ADCY2: variants seen among roughly 807,000 people sequenced by gnomAD.
The protein encoded by ADCY2 is adenylate cyclase 2.
A neutral mutation model predicts 125.2 loss-of-function variants in ADCY2; 31 were observed. That is an observed-to-expected ratio of 0.25 (90% CI 0.19 to 0.33). ADCY2 has a LOEUF of 0.33. Among genes scored for constraint, ADCY2 ranks in the 10% least tolerant of loss-of-function variants. The pLI is 1.00. For missense variants in ADCY2, 904 were observed against 1,418.2 expected (o/e 0.64, Z 5.82); for synonymous variants, 512 against 548.4 (o/e 0.93, Z 0.93).
At chr5:7,501,133 A>ATTT (rs1561059945) in intron 2 of ADCY2, among the ~76,000 whole-genome samples, 4 of 96,958 alleles carry the variant, frequency 4.1e-5, no homozygotes, top group Non-Finnish European at 4.6e-5. Context: ...CTTTTTTTTA[A>ATTT]AAAAAAAAAA....
At chr5:7,797,140 G>A (rs1744445579) in intron 20 of ADCY2, 1 of 152,242 alleles carries the variant, frequency 6.6e-6, no homozygotes, top group Non-Finnish European at 1.5e-5. Context: ...AGGAGGGTCA[G>A]GCTAGCATGC....
intron 12 of ADCY2, 119 bp downstream of exon 12, chr5:7,717,356 T>G (rs1428287300): frequency 3.6e-6 from 2 of 559,608 alleles, no homozygotes; most frequent in Non-Finnish European, 6.3e-6. Context: ...ATTCATTCAT[T>G]TCACTTCAGT....
intron 22 of ADCY2, among the ~76,000 whole-genome samples, chr5:7,806,576 C>T (rs1253041977): frequency 6.6e-6 from 1 of 152,192 alleles, no homozygotes; most frequent in East Asian, 1.9e-4. Flanking sequence ...GCAGCCTTCT[C>T]ACTTCTCTTA....
At chr5:7,614,290 T>C (rs1366093292) in intron 3 of ADCY2, among the ~76,000 whole-genome samples, 1 of 152,160 alleles carries the variant, frequency 6.6e-6, no homozygotes, top group Non-Finnish European at 1.5e-5. Context: ...AGAACCTCCA[T>C]CTCTCTATCC....
At chr5:7,434,801 G>T (rs1164921970) in intron 2 of ADCY2, among the ~76,000 whole-genome samples, 2 of 152,192 alleles carry the variant, frequency 1.3e-5, no homozygotes, top group Non-Finnish European at 2.9e-5. Context: ...CTCCCACATT[G>T]TGGTTATAAA....
At chr5:7,613,159 AT>A (rs200029352) in intron 3 of ADCY2, among the ~76,000 whole-genome samples, 5,084 of 112,486 alleles carry the variant, frequency 0.045, 240 homozygotes, top group African/African-American at 0.12. Context: ...AAGTATAATA[AT>A]AAAAAAAAAA....
chr5:7,712,169 A>C (rs960894588), intron 10 of ADCY2, among the ~76,000 whole-genome samples: 10 of 152,220 alleles, frequency 6.6e-5, no homozygotes, highest in Admixed American at 5.9e-4. Flanking sequence ...TGAAAGCAGC[A>C]AACCAAAGTT....
chr5:7,695,425 T>C (rs1192973295), intron 5 of ADCY2, among the ~76,000 whole-genome samples: 3 of 152,202 alleles, frequency 2.0e-5, no homozygotes, highest in Non-Finnish European at 4.4e-5. Context: ...TCCTGGCAGA[T>C]AGGAAGGACT....
At chr5:7,540,151 G>C (rs1048801404) in intron 3 of ADCY2, among the ~76,000 whole-genome samples, 2 of 152,128 alleles carry the variant, frequency 1.3e-5, no homozygotes, top group Non-Finnish European at 1.5e-5. Context: ...GACACATAGA[G>C]GGAAACAACA....
rs181371987 is a variant in ADCY2, at chr5:7,461,186, A to G, written c.408+46416A>G. On this transcript the variant is annotated intron_variant, in intron 2 of 24. Transcript: ENST00000338316. ...AAAGAGACTTCCAGGAAGAAACCTT[A>G]CAACCTTAGAGACCTGTCTGTCTCT... Among the ~76,000 whole-genome samples the G allele has an allele frequency of 6.1e-4, 93 of 152,274 alleles. 2 individuals are homozygous for G. The highest frequency in any genetic ancestry group is 1.0e-3 in the Non-Finnish European group (69 of 68,012).
At chr5:7,692,423 C>T (rs1409732806) in intron 5 of ADCY2, among the ~76,000 whole-genome samples, 7 of 151,998 alleles carry the variant, frequency 4.6e-5, no homozygotes, top group Admixed American at 1.3e-4. Flanking sequence ...TAAGGAAGCA[C>T]GACTGGATGG....
At chr5:7,699,100 TTTTTTTTTTTTTTTTG>T in intron 7 of ADCY2, among the ~76,000 whole-genome samples, 1 of 118,036 alleles carries the variant, frequency 8.5e-6, no homozygotes, top group Non-Finnish European at 1.8e-5. Flanking sequence ...TTTTTTTTTT[TTTTTTTTTTTTTTTTG>T]AGACGGAGTC....
chr5:7,597,013 G>A (rs986913877), intron 3 of ADCY2, among the ~76,000 whole-genome samples: 1 of 152,336 alleles, frequency 6.6e-6, no homozygotes, highest in African/African-American at 2.4e-5. Flanking sequence ...AGCTCCATGA[G>A]CCACTTTTTG....
chr5:7,784,314 G>A (rs746872893), intron 18 of ADCY2, 51 bp from the exon 19 acceptor site: 5 of 1,285,208 alleles, frequency 3.9e-6, no homozygotes, highest in Non-Finnish European at 5.7e-6. Context: ...AGTCCTGTAT[G>A]CGTGTTGTTT....
chr5:7,462,468 A>C (rs1741949869), intron 2 of ADCY2, among the ~76,000 whole-genome samples: 1 of 152,190 alleles, frequency 6.6e-6, no homozygotes, highest in Non-Finnish European at 1.5e-5. Context: ...CTTAATAAGC[A>C]ATGTAGTTGA....
chr5:7,590,946 A>G (rs1736833619), intron 3 of ADCY2, among the ~76,000 whole-genome samples: 1 of 152,178 alleles, frequency 6.6e-6, no homozygotes, highest in Non-Finnish European at 1.5e-5. Flanking sequence ...TCAAATGGAA[A>G]AAGTGGTTGC....
At chr5:7,555,576 A>G (rs1056993352) in intron 3 of ADCY2, among the ~76,000 whole-genome samples, 4 of 152,212 alleles carry the variant, frequency 2.6e-5, no homozygotes, top group African/African-American at 9.6e-5. Flanking sequence ...ATAGTCAAAA[A>G]GCACTTTAAA....
rs534265841 is a variant in ADCY2 at position 7,548,245 on chromosome 5, A to G, written c.570+27346A>G. ...TTAAATTAATTTTTGTCTTCAGTAT[A>G]AAAAGAAAAAATAGCATTATCTACT... On this transcript the variant is annotated intron_variant, in intron 3 of 24. Coordinates refer to ENST00000338316, the MANE Select transcript of ADCY2 (RefSeq NM_020546.3). 4.6e-5 allele frequency among the ~76,000 whole-genome samples: 7 copies of G among 152,260 alleles called. No individual in the cohort carries two copies. The East Asian group carries it at 1.3e-3, about 29-fold the overall frequency.
chr5:7,727,294 C>G lies in ADCY2; in HGVS notation c.1871+33C>G, dbSNP rs373098203. 43 of 1,565,678 alleles carry G rather than the reference C, an allele frequency of 2.7e-5. No homozygotes were observed. The South Asian group carries it at 4.1e-4, about 15-fold the overall frequency. The stretch of plus-strand genomic sequence containing the variant: ...CTTCTGGTTTCCACTGGGATTCTCA[C>G]CTGGGGTGCCTTTCCACTGGAGCCC... On this transcript the variant is annotated intron_variant, in intron 14 of 24. Transcript: ENST00000338316.
Sources: gnomAD v4.1 joint callset for allele counts (sites outside exome capture counted in the v4.1 genomes callset) on GRCh38, gnomAD v4.1.1 for gene constraint, MANE v1.5 for transcripts, NCBI Gene and HGNC (gene_info 2026-07-23, HGNC 2026-07-21) for gene names.